The following SNRPN variants were observed in gnomAD, a reference collection of about 807,000 sequenced individuals.
SNRPN encodes the protein small nuclear ribonucleoprotein-associated protein N.
Under a neutral mutation model 25.2 loss-of-function variants are expected in SNRPN, and 7 were observed. That is an observed-to-expected ratio of 0.28 (90% CI 0.16 to 0.52). The LOEUF (loss-of-function observed/expected upper bound fraction) is 0.52, where lower values mean the gene tolerates loss of function less well. SNRPN is among the 20% of genes least tolerant of loss of function. SNRPN has a pLI of 0.96. For missense variants in SNRPN, 196 were observed against 322.5 expected (o/e 0.61, Z 3.00); for synonymous variants, 124 against 110.6 (o/e 1.12, Z -0.76).
At chr15:24,834,453 G>C (rs1254797007) in intron 2 of SNRPN, among the ~76,000 whole-genome samples, 5 of 152,016 alleles carry the variant, frequency 3.3e-5, no homozygotes, top group Non-Finnish European at 5.9e-5. Context: ...TTACAGCTCA[G>C]ACAGCAAATC....
intron 2 of SNRPN, among the ~76,000 whole-genome samples, chr15:24,891,415 A>G (rs1204642167): frequency 1.3e-5 from 2 of 151,754 alleles, no homozygotes; most frequent in Non-Finnish European, 2.9e-5. Context: ...TTAATTTGGT[A>G]GTATCATTGG....
At chr15:24,921,418 T>C (rs1452437497) in intron 3 of SNRPN, among the ~76,000 whole-genome samples, 1 of 152,164 alleles carries the variant, frequency 6.6e-6, no homozygotes, top group African/African-American at 2.4e-5. Flanking sequence ...AAGAAAGATC[T>C]TCCTTCTGTT....
At chr15:24,965,695 T>A (rs1421941893) in intron 2 of SNRPN, among the ~76,000 whole-genome samples, 1 of 152,188 alleles carries the variant, frequency 6.6e-6, no homozygotes, top group Non-Finnish European at 1.5e-5. Flanking sequence ...TGTCTTAATA[T>A]ATTTTATGCT....
chr15:24,887,214 C>T (rs931310876), intron 2 of SNRPN, among the ~76,000 whole-genome samples: 1 of 144,758 alleles, frequency 6.9e-6, no homozygotes, highest in Non-Finnish European at 1.5e-5. Context: ...GTGGCATGAT[C>T]TCAGCTCACT....
chr15:24,934,389 A>C (rs2061088527), intron 3 of SNRPN, among the ~76,000 whole-genome samples: 1 of 139,602 alleles, frequency 7.2e-6, no homozygotes, highest in Non-Finnish European at 1.6e-5. Flanking sequence ...CCATAAGTGA[A>C]GTTTTATTGG....
chr15:24,977,882 G>A lies in SNRPN; in HGVS notation c.525G>A (p.Pro175=), dbSNP rs369947986. The part of the protein sequence containing the change: ...PTQYPPGRGT[P]PPPVGRATPP... ...AGTACCCACCAGGACGGGGCACTCCGCCCCCACCCGTCGGCAGAGCAACCC... is the reference window on the plus strand; with the variant it reads ...AGTACCCACCAGGACGGGGCACTCCACCCCCACCCGTCGGCAGAGCAACCC... The change falls in exon 8 of 10, where the codon CCG becomes CCA. Residue 175 remains proline, a synonymous_variant. Transcript: ENST00000390687. The A allele has an allele frequency of 7.0e-4, 1,116 of 1,592,118 alleles. 15 individuals carry two copies. The South Asian group carries it at 8.6e-3, about 12-fold the overall frequency.
Position 24,872,392 on chromosome 15 carries a change from C to T in SNRPN, c.-578-14124C>T, listed in dbSNP as rs894687043. The stretch of plus-strand genomic sequence containing the variant: ...ATTTTGGCCAGGCTGGTCTCAAACT[C>T]CTGACCTCAGATGATCCACCCACCT... On this transcript the variant is annotated intron_variant, in intron 1 of 11. Coordinates refer to the SNRPN transcript ENST00000400097. 2.5e-4 allele frequency among the ~76,000 whole-genome samples: 30 copies of T among 119,444 alleles called. 5 individuals are homozygous for T. The highest frequency in any genetic ancestry group is 8.6e-4 in the African/African-American group (30 of 34,874). The allele number at this position is 119,444 out of a possible 152,430, so 78.4% of individuals were successfully genotyped here. A position where few individuals can be genotyped will look rare whatever the true frequency, so the allele number is the denominator to read the frequency against.
chr15:24,905,098 G>A (rs528952943), intron 2 of SNRPN, among the ~76,000 whole-genome samples: 12 of 136,140 alleles, frequency 8.8e-5, no homozygotes, highest in Non-Finnish European at 1.8e-4. Context: ...GGGTGAGAGA[G>A]CAAGACTCCG....
chr15:24,959,020 CTTTG>C (rs1044275407), intron 1 of SNRPN, among the ~76,000 whole-genome samples: 11 of 152,274 alleles, frequency 7.2e-5, no homozygotes, highest in African/African-American at 2.6e-4. Flanking sequence ...ACCTGGCCAA[CTTTG>C]TTTATTTTTA....
intron 2 of SNRPN, among the ~76,000 whole-genome samples, chr15:24,898,584 TA>T (rs75837948): frequency 0.11 from 15,078 of 142,176 alleles, 807 homozygotes; most frequent in Middle Eastern, 0.15. Context: ...GAGATCTGTC[TA>T]AAAAAAAAAA....
chr15:24,957,938 A>G (rs1386223986), intron 1 of SNRPN, among the ~76,000 whole-genome samples: 1 of 152,206 alleles, frequency 6.6e-6, no homozygotes, highest in South Asian at 2.1e-4. Flanking sequence ...TACTCAGTGA[A>G]TTGGCTCTGT....
At chr15:24,837,869 T>C (rs376568695) in intron 2 of SNRPN, among the ~76,000 whole-genome samples, 2 of 150,852 alleles carry the variant, frequency 1.3e-5, no homozygotes, top group African/African-American at 4.9e-5. Flanking sequence ...GATTATAGCA[T>C]GCACCACAAT....
intron 1 of SNRPN, among the ~76,000 whole-genome samples, chr15:24,856,954 G>A (rs1236598715): frequency 6.6e-6 from 1 of 152,016 alleles, no homozygotes. Flanking sequence ...CAGTGCAATG[G>A]AAATATTACT....
chr15:24,927,475 AATTTTTTTTTTTTTTTTTTTTTTTTTTT>A (rs145302481), intron 3 of SNRPN, among the ~76,000 whole-genome samples: 38,496 of 113,898 alleles, frequency 0.34, 6,884 homozygotes, highest in Admixed American at 0.44. Context: ...AAAGTTTTTA[AATTTTTTTTTTTTTTTTTTTTTTTTTTT>A]TTTTTTTTTT....
At chr15:24,959,915 GT>G (rs1189179366) in intron 1 of SNRPN, among the ~76,000 whole-genome samples, 2 of 152,258 alleles carry the variant, frequency 1.3e-5, no homozygotes, top group Middle Eastern at 3.4e-3. Context: ...TTGAAATTTT[GT>G]CTTTTTGGAA....
At chr15:24,975,288 A>G (rs989541843) in intron 4 of SNRPN, 70 bp from the exon 5 acceptor site, 2 of 1,238,082 alleles carry the variant, frequency 1.6e-6, no homozygotes, top group African/African-American at 3.0e-5. Flanking sequence ...AGGGTGGAGA[A>G]GAAACAGGAG....
chr15:24,912,747 G>T (rs1341614545), intron 2 of SNRPN, among the ~76,000 whole-genome samples: 1 of 152,060 alleles, frequency 6.6e-6, no homozygotes, highest in East Asian at 1.9e-4. Flanking sequence ...GTACTTTCTT[G>T]CCCTTCTGCC....
Position 24,918,850 on chromosome 15 carries a change from C to CATATAACAATATATATATGTGCAT in SNRPN, c.-504-1156_-504-1155insACAATATATATATGTGCATATATA, listed in dbSNP as rs2059804514. On this transcript the variant is annotated intron_variant, in intron 2 of 11. Transcript: ENST00000400097. ...CATATATATAATATATATATGCGCA[C>CATATAACAATATATATATGTGCAT]ATATATATAACAATATATATATGTG... is the stretch of plus-strand genomic sequence containing the variant. Among the ~76,000 whole-genome samples the CATATAACAATATATATATGTGCAT allele has an allele frequency of 6.9e-5, 8 of 115,678 alleles. 3 individuals carry two copies. The highest frequency in any genetic ancestry group is 3.0e-4 in the African/African-American group (8 of 26,936). 75.9% of individuals were successfully genotyped at this position (115,678 alleles called of 152,430 possible). A position where few individuals can be genotyped will look rare whatever the true frequency, so the allele number is the denominator to read the frequency against.
intron 1 of SNRPN, among the ~76,000 whole-genome samples, chr15:24,874,016 A>G (rs1419600375): frequency 9.9e-6 from 1 of 100,974 alleles, no homozygotes; most frequent in Non-Finnish European, 2.1e-5. Context: ...TCATCTTCAG[A>G]AAAAAAAAAA....
Sources: allele counts gnomAD v4.1 joint callset (sites outside exome capture counted in the v4.1 genomes callset), GRCh38; gene constraint gnomAD v4.1.1; transcripts MANE v1.5; gene names NCBI Gene and HGNC (gene_info 2026-07-23, HGNC 2026-07-21).